Variants in ADGRL3 observed in about 807,000 individuals in gnomAD.
ADGRL3 encodes adhesion G protein-coupled receptor L3.
ADGRL3 carries 62 observed loss-of-function variants against 153.5 expected under a neutral mutation model. That is an observed-to-expected ratio of 0.40 (90% CI 0.33 to 0.50). The LOEUF (loss-of-function observed/expected upper bound fraction) is 0.50, where lower values mean the gene tolerates loss of function less well. ADGRL3 is among the 20% of genes least tolerant of loss of function. ADGRL3 has a pLI of 0.47. For missense variants in ADGRL3, 1,641 were observed against 1,859.4 expected, an observed-to-expected ratio of 0.88 and a Z score of 2.16; for synonymous variants, 710 against 672.5, an observed-to-expected ratio of 1.06 and a Z score of -0.86.
intron 2 of ADGRL3, among the ~76,000 whole-genome samples, chr4:61,483,439 T>C (rs1451736646): frequency 6.6e-6 from 1 of 152,146 alleles, no homozygotes. Context: ...TGTGCTGTGT[T>C]ATTAAAGAAA....
intron 22 of ADGRL3, 110 bp from the exon 23 acceptor site, chr4:62,031,332 T>C: frequency 2.3e-6 from 2 of 866,342 alleles, no homozygotes; most frequent in Non-Finnish European, 3.4e-6. Flanking sequence ...ACATTTTCTG[T>C]CAATAAAAGT....
chr4:61,210,383 G>A (rs1197037501), intron 1 of ADGRL3, among the ~76,000 whole-genome samples: 3 of 152,072 alleles, frequency 2.0e-5, no homozygotes. Context: ...AGCCCCAGTG[G>A]CTCCACAGTA....
chr4:61,595,079 G>A (rs1017658935), intron 5 of ADGRL3, among the ~76,000 whole-genome samples: 3 of 152,100 alleles, frequency 2.0e-5, no homozygotes, highest in African/African-American at 7.2e-5. Flanking sequence ...ATTGCCTTCT[G>A]GCCTAGAGCA....
rs531680296 is a variant in ADGRL3 at position 61,531,125 on chromosome 4, G to T, written c.259+13607G>T. Among the ~76,000 whole-genome samples, 9 of 152,288 alleles carry T rather than the reference G, an allele frequency of 5.9e-5. No individual in the cohort carries two copies. In the South Asian group the frequency reaches 1.5e-3, roughly 25 times the overall value. ...AATGAAGTTGCTGCAAAAATATTGT[G>T]ATGATTATATTGGCATATCACTTCA... On this transcript the variant is annotated intron_variant, in intron 4 of 26. Transcript: ENST00000683033.
chr4:61,792,649 C>G (rs950051290), intron 8 of ADGRL3, among the ~76,000 whole-genome samples: 4 of 151,748 alleles, frequency 2.6e-5, no homozygotes, highest in African/African-American at 9.7e-5. Context: ...GCCACCACAC[C>G]CAGCTAATTT....
intron 4 of ADGRL3, among the ~76,000 whole-genome samples, chr4:61,564,808 A>G (rs1218086286): frequency 6.6e-6 from 1 of 152,186 alleles, no homozygotes; most frequent in Admixed American, 6.5e-5. Context: ...AATTGGCCTA[A>G]TTTCAGTAAT....
chr4:61,356,462 A>G (rs1166851437), intron 1 of ADGRL3, among the ~76,000 whole-genome samples: 1 of 152,110 alleles, frequency 6.6e-6, no homozygotes, highest in East Asian at 1.9e-4. Context: ...AGAGAAAAAA[A>G]AATTAGTTAT....
chr4:61,825,510 GTTT>G (rs2148791499), intron 9 of ADGRL3, among the ~76,000 whole-genome samples: 1 of 152,084 alleles, frequency 6.6e-6, no homozygotes, highest in African/African-American at 2.4e-5. Context: ...AATCCTATTG[GTTT>G]AATTATGATA....
chr4:61,626,918 C>T (rs1187616620), intron 5 of ADGRL3, among the ~76,000 whole-genome samples: 1 of 151,942 alleles, frequency 6.6e-6, no homozygotes, highest in Non-Finnish European at 1.5e-5. Flanking sequence ...AGTTCCTCTC[C>T]GTATTTTAAA....
At chr4:61,748,666 G>C (rs1397615293) in intron 8 of ADGRL3, among the ~76,000 whole-genome samples, 2 of 152,116 alleles carry the variant, frequency 1.3e-5, no homozygotes, top group African/African-American at 2.4e-5. Flanking sequence ...TATGTAGAAA[G>C]CTGAAACTGG....
At chr4:61,446,748 T>G (rs1039059139) in intron 2 of ADGRL3, among the ~76,000 whole-genome samples, 3 of 152,184 alleles carry the variant, frequency 2.0e-5, no homozygotes, top group African/African-American at 4.8e-5. Context: ...GCAGGTGTGC[T>G]AGGTATTAAT....
chr4:61,610,467 G>A (rs1295386313), intron 5 of ADGRL3, among the ~76,000 whole-genome samples: 1 of 151,984 alleles, frequency 6.6e-6, no homozygotes, highest in Non-Finnish European at 1.5e-5. Context: ...GATGAACAGA[G>A]GAAAAATATT....
chr4:61,757,238 T>A (rs967711872), intron 8 of ADGRL3, among the ~76,000 whole-genome samples: 4 of 152,120 alleles, frequency 2.6e-5, no homozygotes, highest in Non-Finnish European at 5.9e-5. Flanking sequence ...CGGCTGTGAA[T>A]CCATCTGGTC....
chr4:61,592,266 A>T (rs1262491886), intron 5 of ADGRL3, among the ~76,000 whole-genome samples: 1 of 152,056 alleles, frequency 6.6e-6, no homozygotes, highest in Non-Finnish European at 1.5e-5. Flanking sequence ...GCAGTTTTGG[A>T]GGGTACATAG....
chr4:61,965,297 C>T (rs1232357910), intron 17 of ADGRL3, among the ~76,000 whole-genome samples: 1 of 151,886 alleles, frequency 6.6e-6, no homozygotes, highest in Non-Finnish European at 1.5e-5. Context: ...CTGTACCTGG[C>T]CTTTTTCTGG....
At chr4:61,755,499 A>T (rs2152103590) in intron 8 of ADGRL3, among the ~76,000 whole-genome samples, 1 of 151,996 alleles carries the variant, frequency 6.6e-6, no homozygotes, top group East Asian at 1.9e-4. Flanking sequence ...GTTTCAGTTC[A>T]TTGTAGATTC....
chr4:61,380,941 T>G (rs1275062037), intron 1 of ADGRL3, among the ~76,000 whole-genome samples: 1 of 151,922 alleles, frequency 6.6e-6, no homozygotes, highest in Non-Finnish European at 1.5e-5. Flanking sequence ...CTGCCCTTCT[T>G]GCAGTTTTCT....
intron 10 of ADGRL3, among the ~76,000 whole-genome samples, chr4:61,894,265 T>A (rs2098610266): frequency 6.6e-6 from 1 of 152,136 alleles, no homozygotes; most frequent in Admixed American, 6.5e-5. Context: ...AGGAAAAAAG[T>A]TTTTCTTAGA....
chr4:61,596,636 C>G (rs747908515), intron 5 of ADGRL3, among the ~76,000 whole-genome samples: 22 of 152,176 alleles, frequency 1.4e-4, no homozygotes, highest in Middle Eastern at 6.8e-3. Flanking sequence ...GAGAATTGCT[C>G]CAGCCTAGGA....
Sources: allele counts gnomAD v4.1 joint callset (sites outside exome capture counted in the v4.1 genomes callset), GRCh38; gene constraint gnomAD v4.1.1; transcripts MANE v1.5; gene names NCBI Gene and HGNC (gene_info 2026-07-23, HGNC 2026-07-21).